The following DERA variants were observed in gnomAD, a reference collection of about 807,000 sequenced individuals.
DERA encodes 2-deoxy-D-ribose 5-phosphate aldolase.
Under a neutral mutation model 41.1 loss-of-function variants are expected in DERA, and 15 were observed. The ratio of observed to expected loss-of-function variants is 0.37; its 90% CI spans 0.24 to 0.56. The LOEUF (loss-of-function observed/expected upper bound fraction) is 0.56, where lower values mean the gene tolerates loss of function less well. Among genes scored for constraint, DERA ranks in the 20% least tolerant of loss-of-function variants. The probability of loss-of-function intolerance (pLI) is 0.81; values close to 1 mark genes in which losing one functional copy is unlikely to be tolerated. For missense variants in DERA, 396 were observed against 403.4 expected (o/e 0.98, Z 0.16); for synonymous variants, 139 against 137.4 (o/e 1.01, Z -0.08).
In DERA at chr12:15,993,984, GAA is replaced by G. The variant is rs1387997356; in HGVS notation, c.637+11552_637+11553del. On this transcript the variant is annotated intron_variant, in intron 6 of 8. Coordinates refer to ENST00000428559, the MANE Select transcript of DERA (RefSeq NM_015954.4). This position sits in a 1 kb window ranked among gnomAD's most constrained non-coding sequence, Gnocchi z 4.4. ...TCATGGTTGGGCTTCTGTGAAGAAA[GAA>G]AAAGAGAGAAAAGAAAAAGCTTAGT... Among the ~76,000 whole-genome samples, 1 of 152,118 alleles carries G rather than the reference GAA, an allele frequency of 6.6e-6. No homozygotes were observed. Among genetic ancestry groups the G allele is most frequent in the Non-Finnish European group, 1.5e-5 (1 of 67,992 alleles).
Position 15,918,039 on chromosome 12 carries a change from A to G in DERA, c.31+6625A>G, listed in dbSNP as rs1948213576. On this transcript the variant is annotated intron_variant, in intron 1 of 8. Coordinates refer to ENST00000428559, the MANE Select transcript of DERA (RefSeq NM_015954.4). The surrounding 1 kb of genome is among the most constrained non-coding windows in gnomAD (Gnocchi z 4.3). ...AAAACCATGAGTTCACACTAATACCACCAGTTCTGGTCCAACACCACAGGA... is the reference window on the plus strand; with the variant it reads ...AAAACCATGAGTTCACACTAATACCGCCAGTTCTGGTCCAACACCACAGGA... Among the ~76,000 whole-genome samples the G allele has an allele frequency of 6.6e-6, 1 of 152,152 alleles. No homozygotes were observed. Among genetic ancestry groups the G allele is most frequent in the African/African-American group, 2.4e-5 (1 of 41,446 alleles).
rs1948388918 is a variant in DERA at position 15,938,662 on chromosome 12, G to A, written c.32-18274G>A. Among the ~76,000 whole-genome samples the A allele has an allele frequency of 6.6e-6, 1 of 152,098 alleles. No homozygotes were observed. Among genetic ancestry groups the A allele is most frequent in the South Asian group, 2.1e-4 (1 of 4,824 alleles). ...GTAAATTTAGCACATTCTATAAATG[G>A]AGGATATTTTCAATTCACATTTTTT... On this transcript the variant is annotated intron_variant, in intron 1 of 8. Transcript: ENST00000428559. This position sits in a 1 kb window ranked among gnomAD's most constrained non-coding sequence, Gnocchi z 4.1.
At chr12:15,917,420 A>T (rs1948208714) in intron 1 of DERA, among the ~76,000 whole-genome samples, 1 of 152,116 alleles carries the variant, frequency 6.6e-6, no homozygotes, top group South Asian at 2.1e-4. Context: ...TCTGAATCTA[A>T]TTTTTTTCTC....
chr12:15,918,008 A>C lies in DERA; in HGVS notation c.31+6594A>C, dbSNP rs1172218919. Among the ~76,000 whole-genome samples, 3 of 152,212 alleles carry C rather than the reference A, an allele frequency of 2.0e-5. No homozygotes were observed. The highest frequency in any genetic ancestry group is 4.4e-5 in the Non-Finnish European group (3 of 68,030). ...CTACCTATCATCTCTCTGTATCTAC[A>C]TAGTGAAAACCATGAGTTCACACTA... On this transcript the variant is annotated intron_variant, in intron 1 of 8. Transcript: ENST00000428559. The surrounding 1 kb of genome is among the most constrained non-coding windows in gnomAD (Gnocchi z 4.3).
At chr12:15,955,441 A>T (rs758669452) in intron 1 of DERA, among the ~76,000 whole-genome samples, 13 of 152,176 alleles carry the variant, frequency 8.5e-5, no homozygotes, top group Non-Finnish European at 1.3e-4. Flanking sequence ...GGGAAAGCAG[A>T]GGCAGATTTC....
At chr12:15,947,245 C>G (rs745834504) in intron 1 of DERA, among the ~76,000 whole-genome samples, 5 of 152,096 alleles carry the variant, frequency 3.3e-5, no homozygotes, top group African/African-American at 4.8e-5. Context: ...GAGATTAGTT[C>G]AATTCCTGGA....
chr12:15,946,502 T>A (rs1018031668), intron 1 of DERA, among the ~76,000 whole-genome samples: 2 of 152,244 alleles, frequency 1.3e-5, no homozygotes, highest in African/African-American at 4.8e-5. Context: ...CTAGATTTTC[T>A]AGTTTATTTG....
At chr12:16,025,616 A>T (rs902277138) in intron 6 of DERA, among the ~76,000 whole-genome samples, 2 of 152,152 alleles carry the variant, frequency 1.3e-5, no homozygotes, top group African/African-American at 4.8e-5. Flanking sequence ...TGGAAACTTC[A>T]AAGCTCCTCT....
chr12:16,027,817 C>T (rs559765797), intron 6 of DERA, among the ~76,000 whole-genome samples: 39 of 152,116 alleles, frequency 2.6e-4, no homozygotes, highest in Non-Finnish European at 4.3e-4. Context: ...CAAACATGAT[C>T]GTAGAAAATC....
At chr12:15,925,822 CTTTTTTTTTTT>C (rs35956433) in intron 1 of DERA, among the ~76,000 whole-genome samples, 1 of 95,288 alleles carries the variant, frequency 1.0e-5, no homozygotes, top group African/African-American at 4.4e-5. Flanking sequence ...ACTCCTGAGG[CTTTTTTTTTTT>C]TTTTTTTTTT....
intron 5 of DERA, among the ~76,000 whole-genome samples, chr12:15,980,920 A>T (rs1462727933): frequency 6.6e-6 from 1 of 152,062 alleles, no homozygotes; most frequent in Admixed American, 6.6e-5. Flanking sequence ...ACTGAGACTA[A>T]TTTTTCATTT....
At chr12:15,914,628 C>T (rs1948187221) in intron 1 of DERA, among the ~76,000 whole-genome samples, 2 of 152,100 alleles carry the variant, frequency 1.3e-5, no homozygotes, top group South Asian at 4.2e-4. Flanking sequence ...GTGTAACTTC[C>T]TTGCAAATGT....
rs1344574005 is a variant in DERA at position 15,989,923 on chromosome 12, T to C, written c.637+7487T>C. On this transcript the variant is annotated intron_variant, in intron 6 of 8. Transcript: ENST00000428559. The surrounding 1 kb of genome is among the most constrained non-coding windows in gnomAD (Gnocchi z 5.2). ...TGTTTAGAAATCTTTCAAAATGTTT[T>C]AGAGCAAGGAACACAGTCAGAAGAC... Among the ~76,000 whole-genome samples, 1 of 152,178 alleles carries C rather than the reference T, an allele frequency of 6.6e-6. No homozygotes were observed. Among genetic ancestry groups the C allele is most frequent in the Admixed American group, 6.5e-5 (1 of 15,276 alleles).
intron 1 of DERA, among the ~76,000 whole-genome samples, chr12:15,916,625 A>G (rs1948202105): frequency 1.3e-5 from 2 of 151,696 alleles, no homozygotes; most frequent in South Asian, 4.2e-4. Flanking sequence ...TAGTTTTTGT[A>G]TTTTTAGTAG....
chr12:15,937,893 C>T (rs1948380419), intron 1 of DERA, among the ~76,000 whole-genome samples: 1 of 152,186 alleles, frequency 6.6e-6, no homozygotes, highest in Non-Finnish European at 1.5e-5. Flanking sequence ...ATCAATTCAT[C>T]AAATATTTGT....
chr12:15,946,227 A>T (rs1257898094), intron 1 of DERA, among the ~76,000 whole-genome samples: 1 of 152,188 alleles, frequency 6.6e-6, no homozygotes, highest in Non-Finnish European at 1.5e-5. Context: ...TGGTATCAGG[A>T]TGATGCTGGC....
At position 15,998,435 on chromosome 12, in the gene DERA, A is replaced by G. The variant is rs1948853826; in HGVS notation, c.637+15999A>G. On this transcript the variant is annotated intron_variant, in intron 6 of 8. Coordinates refer to ENST00000428559, the MANE Select transcript of DERA (RefSeq NM_015954.4). The surrounding 1 kb of genome is among the most constrained non-coding windows in gnomAD (Gnocchi z 4.8). Reference sequence around the variant, plus strand: ...CGGGTTCAAGCAGTTCTCCCGCCTCAGCCTCCCGAGTAGCTGAGATTACAG... The same window carrying G: ...CGGGTTCAAGCAGTTCTCCCGCCTCGGCCTCCCGAGTAGCTGAGATTACAG... Among the ~76,000 whole-genome samples the G allele has an allele frequency of 6.6e-6, 1 of 152,090 alleles. No individual in the cohort carries two copies. The highest frequency in any genetic ancestry group is 6.6e-5 in the Admixed American group (1 of 15,266).
chr12:16,030,634 CTCTT>C (rs1224367869), intron 6 of DERA, among the ~76,000 whole-genome samples: 1 of 152,168 alleles, frequency 6.6e-6, no homozygotes, highest in Non-Finnish European at 1.5e-5. Context: ...CTTATGATAA[CTCTT>C]TAAATATAGC....
In DERA at chr12:15,995,098, A is replaced by G. The variant is rs888056136; in HGVS notation, c.637+12662A>G. Among the ~76,000 whole-genome samples, 2 of 152,232 alleles carry G rather than the reference A, an allele frequency of 1.3e-5. No homozygotes were observed. Among genetic ancestry groups the G allele is most frequent in the African/African-American group, 2.4e-5 (1 of 41,458 alleles). On this transcript the variant is annotated intron_variant, in intron 6 of 8. Transcript: ENST00000428559. This position sits in a 1 kb window ranked among gnomAD's most constrained non-coding sequence, Gnocchi z 5.1. ...GCACAACCCTGCTCTCTATCCTGCAATTGATCTGTATATCAGATAATATTT... is the reference window on the plus strand; with the variant it reads ...GCACAACCCTGCTCTCTATCCTGCAGTTGATCTGTATATCAGATAATATTT...
Sources: allele counts gnomAD v4.1 joint callset (sites outside exome capture counted in the v4.1 genomes callset), GRCh38; gene constraint gnomAD v4.1.1; non-coding constraint Gnocchi (gnomAD v3.1); transcripts MANE v1.5; gene names NCBI Gene and HGNC (gene_info 2026-07-23, HGNC 2026-07-21).